ARK2C: variants seen among roughly 807,000 people sequenced by gnomAD.
ARK2C encodes E3 ubiquitin-protein ligase ARK2C.
the ARK2C span, among the ~76,000 whole-genome samples, chr18:46,399,201 G>A: frequency 6.6e-6 from 1 of 152,244 alleles, no homozygotes; most frequent in Admixed American, 6.5e-5. Flanking sequence ...ATCCTTCGAG[G>A]AGAAGGTCTC....
At chr18:46,447,159 TCTC>T in the ARK2C span, among the ~76,000 whole-genome samples, 2 of 152,202 alleles carry the variant, frequency 1.3e-5, no homozygotes, top group African/African-American at 2.4e-5. Flanking sequence ...CTCTTTGTTT[TCTC>T]AAAGTGGTAA....
chr18:46,358,495 A>G, the ARK2C span, among the ~76,000 whole-genome samples: 1 of 152,154 alleles, frequency 6.6e-6, no homozygotes, highest in Non-Finnish European at 1.5e-5. Context: ...CCGAAAGGTA[A>G]CCCACTTGCT....
At chr18:46,430,000 C>G in the ARK2C span, among the ~76,000 whole-genome samples, 3 of 152,304 alleles carry the variant, frequency 2.0e-5, no homozygotes, top group South Asian at 6.2e-4. Context: ...CCCAGAGTCC[C>G]CGCCCTCCTG....
At chr18:46,383,265 T>A in the ARK2C span, among the ~76,000 whole-genome samples, 2 of 152,192 alleles carry the variant, frequency 1.3e-5, no homozygotes, top group African/African-American at 2.4e-5. Flanking sequence ...TGGCATCAAG[T>A]CAAAATTTCA....
the ARK2C span, among the ~76,000 whole-genome samples, chr18:46,362,050 A>G: frequency 1.3e-5 from 2 of 152,220 alleles, no homozygotes; most frequent in Admixed American, 1.3e-4. Flanking sequence ...ATTGGGCTGG[A>G]GTTAGCCTGC....
chr18:46,380,547 T>A, the ARK2C span, among the ~76,000 whole-genome samples: 1 of 152,188 alleles, frequency 6.6e-6, no homozygotes, highest in Non-Finnish European at 1.5e-5. Flanking sequence ...CCCAGGCGCT[T>A]GCGTTTCCTC....
the ARK2C span, chr18:46,450,772 G>A: frequency 4.3e-6 from 7 of 1,613,816 alleles, no homozygotes; most frequent in Non-Finnish European, 5.9e-6. Context: ...CCATTGAGAG[G>A]TTCACCTTCC....
chr18:46,422,037 C>A, the ARK2C span, among the ~76,000 whole-genome samples: 2,772 of 152,168 alleles, frequency 0.018, 67 homozygotes, highest in African/African-American at 0.055. Context: ...CTAAGCCAAG[C>A]AATAGGCCTC....
At chr18:46,453,848 G>A in the ARK2C span, among the ~76,000 whole-genome samples, 5 of 151,944 alleles carry the variant, frequency 3.3e-5, no homozygotes, top group East Asian at 7.7e-4. Context: ...AAAGGGGGCT[G>A]GGCACACTGG....
At chr18:46,399,021 G>A in the ARK2C span, among the ~76,000 whole-genome samples, 2 of 152,132 alleles carry the variant, frequency 1.3e-5, no homozygotes, top group Non-Finnish European at 2.9e-5. Flanking sequence ...GAGTTACCAC[G>A]ACACCCGGGA....
At chr18:46,366,737 C>T in the ARK2C span, among the ~76,000 whole-genome samples, 1 of 152,186 alleles carries the variant, frequency 6.6e-6, no homozygotes, top group African/African-American at 2.4e-5. Flanking sequence ...CTCTGACCTT[C>T]CTAGTCCTGA....
the ARK2C span, among the ~76,000 whole-genome samples, chr18:46,356,053 C>A: frequency 1.3e-5 from 2 of 152,322 alleles, no homozygotes; most frequent in South Asian, 2.1e-4. Flanking sequence ...GAACTTGGCT[C>A]CATGCAGGCC....
chr18:46,459,529 C>T, the ARK2C span: 7 of 152,194 alleles, frequency 4.6e-5, no homozygotes, highest in Admixed American at 2.0e-4. Context: ...CTGCCCCAGG[C>T]TAATATTAGG....
the ARK2C span, among the ~76,000 whole-genome samples, chr18:46,452,857 G>A: frequency 4.6e-5 from 7 of 151,974 alleles, no homozygotes; most frequent in East Asian, 1.9e-4. Flanking sequence ...TTATAACTCC[G>A]TTACTTTGGA....
chr18:46,400,207 A>T, the ARK2C span, among the ~76,000 whole-genome samples: 3 of 152,054 alleles, frequency 2.0e-5, no homozygotes, highest in Admixed American at 2.0e-4. Flanking sequence ...CACCCCTCTC[A>T]TGGGCTCTGC....
At chr18:46,377,572 A>T in the ARK2C span, among the ~76,000 whole-genome samples, 1 of 152,244 alleles carries the variant, frequency 6.6e-6, no homozygotes, top group Non-Finnish European at 1.5e-5. Context: ...TGTTAGATGA[A>T]GGAGTGGAGG....
At chr18:46,352,818 G>T in the ARK2C span, among the ~76,000 whole-genome samples, 1 of 152,202 alleles carries the variant, frequency 6.6e-6, no homozygotes, top group Non-Finnish European at 1.5e-5. Context: ...TGAATTTAGG[G>T]GTTGCATTAC....
At chr18:46,418,860 C>T in the ARK2C span, among the ~76,000 whole-genome samples, 1 of 152,216 alleles carries the variant, frequency 6.6e-6, no homozygotes, top group Admixed American at 6.5e-5. Flanking sequence ...CATTCAGCAC[C>T]TCCGTGGTTT....
the ARK2C span, among the ~76,000 whole-genome samples, chr18:46,440,585 C>T: frequency 4.4e-4 from 67 of 152,272 alleles, no homozygotes; most frequent in Middle Eastern, 6.8e-3. Context: ...CTATGTATCT[C>T]GAGAGATAAT....
Sources: allele counts gnomAD v4.1 joint callset (sites outside exome capture counted in the v4.1 genomes callset), GRCh38; gene constraint gnomAD v4.1.1; transcripts MANE v1.5; gene names NCBI Gene and HGNC (gene_info 2026-07-23, HGNC 2026-07-21).